Variants in ABCD3 observed in about 807,000 individuals in gnomAD.
ABCD3 encodes the protein ATP-binding cassette sub-family D member 3.
In ABCD3, 41 loss-of-function variants were observed where a neutral mutation model predicts 105.5. The ratio of observed to expected loss-of-function variants is 0.39; its 90% CI spans 0.30 to 0.50. The LOEUF is 0.50. Among genes scored for constraint, ABCD3 ranks in the 20% least tolerant of loss-of-function variants. The pLI, the probability that ABCD3 is intolerant of heterozygous loss-of-function variation, is 0.84. For synonymous variants in ABCD3, 258 were observed against 269.0 expected (o/e 0.96, Z 0.40); for missense variants, 622 against 806.3 (o/e 0.77, Z 2.77).
At chr1:94,409,741 G>A in the ABCD3 span, among the ~76,000 whole-genome samples, 1 of 152,336 alleles carries the variant, frequency 6.6e-6, no homozygotes, top group South Asian at 2.1e-4. Flanking sequence ...GTAGCACATA[G>A]TGGTACAGAA....
intron 8 of ABCD3, chr1:94,480,078 A>G: frequency 4.0e-6 from 1 of 251,664 alleles, no homozygotes; most frequent in Non-Finnish European, 7.7e-6. Flanking sequence ...AAGGAGTTTG[A>G]GGGAATATTA....
At chr1:94,480,392 CAT>C (rs1570799749) in intron 8 of ABCD3, 70 bp from the exon 9 acceptor site, 22 of 1,571,962 alleles carry the variant, frequency 1.4e-5, no homozygotes, top group East Asian at 2.2e-5. Context: ...AAAAATTGTA[CAT>C]GTTTGTATCT....
chr1:94,398,840 G>A, the ABCD3 span, among the ~76,000 whole-genome samples: 1 of 152,120 alleles, frequency 6.6e-6, no homozygotes, highest in Non-Finnish European at 1.5e-5. Flanking sequence ...CTTGAACCCA[G>A]GAGGCAGAGG....
At chr1:94,500,832 TAAATG>T (rs1309500372) in intron 20 of ABCD3, among the ~76,000 whole-genome samples, 2 of 152,024 alleles carry the variant, frequency 1.3e-5, no homozygotes, top group Admixed American at 1.3e-4. Context: ...GAGTAAATCA[TAAATG>T]AGAGAGATAA....
rs1220368507 is a variant in ABCD3, at chr1:94,486,433, G to C, written c.898-1109G>C. On this transcript the variant is annotated intron_variant, in intron 10 of 22. Coordinates refer to ENST00000370214, the MANE Select transcript of ABCD3 (RefSeq NM_002858.4). ...AGGGACCTTCTCTGTTCTATTCATTGTATCTCCAGCTTGAGCACAGTGTCT... is the reference window on the plus strand; with the variant it reads ...AGGGACCTTCTCTGTTCTATTCATTCTATCTCCAGCTTGAGCACAGTGTCT... Among the ~76,000 whole-genome samples, 3 of 152,244 alleles carry C rather than the reference G, an allele frequency of 2.0e-5. No individual in the cohort carries two copies. The East Asian group carries it at 5.8e-4, about 29-fold the overall frequency.
intron 20 of ABCD3, among the ~76,000 whole-genome samples, chr1:94,500,274 C>T (rs1274388837): frequency 6.6e-6 from 1 of 151,920 alleles, no homozygotes; most frequent in African/African-American, 2.4e-5. Context: ...AAGACCCTTT[C>T]TCTACAAAAA....
the ABCD3 span, among the ~76,000 whole-genome samples, chr1:94,411,204 TG>T: frequency 1.3e-5 from 2 of 152,172 alleles, no homozygotes; most frequent in African/African-American, 4.8e-5. Flanking sequence ...AACTATGGAA[TG>T]GGAGAAAATA....
intron 4 of ABCD3, among the ~76,000 whole-genome samples, chr1:94,470,855 A>G (rs1400334878): frequency 1.3e-5 from 2 of 152,036 alleles, no homozygotes; most frequent in African/African-American, 2.4e-5. Context: ...TATCTTCTAT[A>G]TGGATGTTCA....
At chr1:94,445,365 G>C (rs368488049) in intron 1 of ABCD3, among the ~76,000 whole-genome samples, 37 of 152,284 alleles carry the variant, frequency 2.4e-4, no homozygotes, top group African/African-American at 8.9e-4. Flanking sequence ...TGGAGAACAT[G>C]GAACTAAGCA....
the ABCD3 span, among the ~76,000 whole-genome samples, chr1:94,394,598 T>A: frequency 6.6e-6 from 1 of 151,750 alleles, no homozygotes; most frequent in African/African-American, 2.4e-5. Flanking sequence ...TAAGGGGGAG[T>A]CTGCTTGCCT....
At chr1:94,445,065 A>G (rs995222707) in intron 1 of ABCD3, among the ~76,000 whole-genome samples, 8 of 152,184 alleles carry the variant, frequency 5.3e-5, no homozygotes, top group African/African-American at 1.7e-4. Context: ...GTTTTGGCCC[A>G]TCCCTTTATT....
chr1:94,409,525 C>A, the ABCD3 span, among the ~76,000 whole-genome samples: 6 of 152,130 alleles, frequency 3.9e-5, no homozygotes, highest in Admixed American at 3.9e-4. Context: ...GTATTGTAAC[C>A]CAATTTACAT....
chr1:94,387,903 G>A, the ABCD3 span, among the ~76,000 whole-genome samples: 1 of 152,074 alleles, frequency 6.6e-6, no homozygotes, highest in Admixed American at 6.6e-5. Flanking sequence ...CTTTCTGCTT[G>A]AAATACCCAA....
chr1:94,463,243 G>T (rs746077228), intron 2 of ABCD3, among the ~76,000 whole-genome samples: 7 of 152,158 alleles, frequency 4.6e-5, no homozygotes, highest in Admixed American at 2.0e-4. Flanking sequence ...TTCTTTTCCA[G>T]TTCCTCCTAT....
At chr1:94,468,708 A>G (rs777641156) in intron 4 of ABCD3, among the ~76,000 whole-genome samples, 2 of 152,194 alleles carry the variant, frequency 1.3e-5, no homozygotes, top group Non-Finnish European at 2.9e-5. Context: ...TAAAGTATTT[A>G]ATCTAAAATA....
At chr1:94,463,585 G>T (rs1647986357) in intron 2 of ABCD3, among the ~76,000 whole-genome samples, 1 of 152,186 alleles carries the variant, frequency 6.6e-6, no homozygotes, top group East Asian at 1.9e-4. Context: ...GTTGGGGAAA[G>T]GGTTAGTCAG....
In ABCD3 at chr1:94,464,755, G is replaced by A; in HGVS notation, c.148-20G>A. ...TGTTTGTTATAGCTATCTTAAAAGG[G>A]CTTCTTTTTTTTAATGCAGAAAGAG... On this transcript the variant is annotated intron_variant, in intron 2 of 22. Coordinates refer to ENST00000370214, the MANE Select transcript of ABCD3 (RefSeq NM_002858.4). The A allele has an allele frequency of 6.3e-7, 1 of 1,593,812 alleles. No individual in the cohort carries two copies. Among genetic ancestry groups the A allele is most frequent in the Non-Finnish European group, 8.6e-7 (1 of 1,161,464 alleles).
Position 94,487,786 on chromosome 1 carries a change from C to G in ABCD3, c.1060C>G (p.Leu354Val). Residue 354 changes from leucine to valine, a missense_variant, in exon 12 of 23, where the codon CTA becomes GTA. Transcript: ENST00000370214. Reference protein sequence around the residue: ...RHLKSTHSELLEDYYQSGRML... With the variant: ...RHLKSTHSELVEDYYQSGRML... ...TCTCAAGAGTACACATTCGGAACTTCTAGAGGTAAACTGATGATAATACAA... is the reference window on the plus strand; with the variant it reads ...TCTCAAGAGTACACATTCGGAACTTGTAGAGGTAAACTGATGATAATACAA... The G allele has an allele frequency of 6.2e-7, 1 of 1,613,708 alleles. No homozygotes were observed. The highest frequency in any genetic ancestry group is 1.1e-5 in the South Asian group (1 of 91,068).
chr1:94,496,334 T>TA (rs1384509759), intron 16 of ABCD3, among the ~76,000 whole-genome samples: 8 of 152,186 alleles, frequency 5.3e-5, no homozygotes, highest in Non-Finnish European at 1.2e-4. Flanking sequence ...AGTGAAGTCA[T>TA]ACAGCATTTG....
Sources: allele counts gnomAD v4.1 joint callset (sites outside exome capture counted in the v4.1 genomes callset), GRCh38; gene constraint gnomAD v4.1.1; transcripts MANE v1.5; gene names NCBI Gene and HGNC (gene_info 2026-07-23, HGNC 2026-07-21).